The following RUNX2 variants were observed in gnomAD, a reference collection of about 807,000 sequenced individuals.
RUNX2 encodes RUNX family transcription factor 2, also known as runt-related transcription factor 2.
Under a neutral mutation model 51.7 loss-of-function variants are expected in RUNX2, and 10 were observed. The observed-to-expected ratio is 0.19, with a 90% CI of 0.12 to 0.33. The LOEUF (loss-of-function observed/expected upper bound fraction) is 0.33. RUNX2 is among the 10% of genes least tolerant of loss of function. The pLI, the probability that RUNX2 is intolerant of heterozygous loss-of-function variation, is 1.00. For missense variants in RUNX2, 562 were observed against 691.3 expected (o/e 0.81, Z 2.10); for synonymous variants, 276 against 273.6 (o/e 1.01, Z -0.09).
intron 2 of RUNX2, among the ~76,000 whole-genome samples, chr6:45,331,630 T>C (rs952018441): frequency 6.6e-6 from 1 of 151,950 alleles, no homozygotes; most frequent in Admixed American, 6.6e-5. Flanking sequence ...AATTTTACAT[T>C]ACAAACTGTT....
intron 5 of RUNX2, among the ~76,000 whole-genome samples, chr6:45,467,456 A>G (rs1799666757): frequency 6.6e-6 from 1 of 151,956 alleles, no homozygotes; most frequent in African/African-American, 2.4e-5. Context: ...TAATTTGTGT[A>G]TTTTTAGTAG....
chr6:45,547,341 C>G lies in RUNX2; in HGVS notation c.*36C>G, dbSNP rs751032904. On this transcript the variant is annotated 3_prime_UTR_variant, in exon 9 of 9. Transcript: ENST00000647337. ...CAGTGGCCCAGTGGTATCTGGGGGC[C>G]ACATCCCACACGTATCAATATATAC... 1 of 1,436,594 alleles carries G rather than the reference C, an allele frequency of 7.0e-7. No homozygotes were observed. Among genetic ancestry groups the G allele is most frequent in the South Asian group, 1.1e-5 (1 of 87,480 alleles). The allele number at this position is 1,436,594 out of a possible 1,614,324, so 89.0% of individuals were successfully genotyped here.
In RUNX2 at chr6:45,437,379, C is replaced by T. The variant is rs1798713533; in HGVS notation, c.581-568C>T. On this transcript the variant is annotated intron_variant, in intron 4 of 8. Coordinates refer to ENST00000647337, the MANE Select transcript of RUNX2 (RefSeq NM_001024630.4). ...TTTGTTCCAGTAATGATGAAATCATCATACCACAGGCACATTACGGCCAGG... is the reference window on the plus strand; with the variant it reads ...TTTGTTCCAGTAATGATGAAATCATTATACCACAGGCACATTACGGCCAGG... Among the ~76,000 whole-genome samples the T allele has an allele frequency of 1.3e-5, 2 of 152,152 alleles. 1 individual carries two copies. The highest frequency in any genetic ancestry group is 4.1e-4 in the South Asian group (2 of 4,822).
At chr6:45,395,086 C>G (rs1797553648) in intron 2 of RUNX2, among the ~76,000 whole-genome samples, 1 of 152,188 alleles carries the variant, frequency 6.6e-6, no homozygotes, top group African/African-American at 2.4e-5. Flanking sequence ...TAGGCTTCAG[C>G]CACACTTCTG....
chr6:45,398,613 T>C (rs1368790282), intron 2 of RUNX2, among the ~76,000 whole-genome samples: 1 of 152,230 alleles, frequency 6.6e-6, no homozygotes, highest in South Asian at 2.1e-4. Context: ...CCCTGACTTA[T>C]GTAGAACATT....
At chr6:45,370,216 G>A (rs1298950228) in intron 2 of RUNX2, among the ~76,000 whole-genome samples, 2 of 152,160 alleles carry the variant, frequency 1.3e-5, no homozygotes, top group African/African-American at 4.8e-5. Flanking sequence ...TTTAACAAGC[G>A]GAGATGATGA....
intron 7 of RUNX2, among the ~76,000 whole-genome samples, chr6:45,533,445 C>A (rs2150440949): frequency 6.6e-6 from 1 of 152,168 alleles, no homozygotes; most frequent in African/African-American, 2.4e-5. Flanking sequence ...AGTTTTCAAT[C>A]AAAGGAAAAT....
chr6:45,538,395 C>T (rs1802105379), intron 7 of RUNX2, among the ~76,000 whole-genome samples: 1 of 152,140 alleles, frequency 6.6e-6, no homozygotes, highest in South Asian at 2.1e-4. Context: ...AACCTTCTGC[C>T]AGGATGTCAG....
chr6:45,539,447 G>C (rs1002692421), intron 7 of RUNX2, among the ~76,000 whole-genome samples: 2 of 151,984 alleles, frequency 1.3e-5, no homozygotes, highest in Non-Finnish European at 2.9e-5. Flanking sequence ...TCATTTTGCT[G>C]GTTTCTTCTC....
intron 5 of RUNX2, among the ~76,000 whole-genome samples, chr6:45,486,992 T>A (rs1800302537): frequency 6.6e-6 from 1 of 152,150 alleles, no homozygotes; most frequent in African/African-American, 2.4e-5. Flanking sequence ...TTCGCTAGAC[T>A]ATGGCTTAGG....
intron 5 of RUNX2, among the ~76,000 whole-genome samples, chr6:45,477,813 T>C (rs1483890142): frequency 6.6e-6 from 1 of 152,214 alleles, no homozygotes; most frequent in Non-Finnish European, 1.5e-5. Flanking sequence ...TCCTAAACTG[T>C]AAACCAATGC....
chr6:45,440,663 T>A (rs953804797), intron 5 of RUNX2, among the ~76,000 whole-genome samples: 5 of 151,646 alleles, frequency 3.3e-5, no homozygotes, highest in African/African-American at 4.9e-5. Context: ...TTTTTTTTTT[T>A]AATTTTTGGA....
intron 2 of RUNX2, among the ~76,000 whole-genome samples, chr6:45,342,788 T>C (rs17209755): frequency 0.094 from 14,302 of 152,192 alleles, 844 homozygotes; most frequent in Middle Eastern, 0.15. Context: ...AAAAAATACA[T>C]ATGAAGAACA....
intron 4 of RUNX2, among the ~76,000 whole-genome samples, chr6:45,437,480 A>G (rs1798716449): frequency 6.6e-6 from 1 of 152,164 alleles, no homozygotes; most frequent in Non-Finnish European, 1.5e-5. Context: ...TAGTGCAGCT[A>G]AGCAAATGAA....
At chr6:45,443,884 T>A (rs77519622) in intron 5 of RUNX2, among the ~76,000 whole-genome samples, 1 of 152,048 alleles carries the variant, frequency 6.6e-6, no homozygotes, top group African/African-American at 2.4e-5. Flanking sequence ...ATTTTTAAAA[T>A]TTTTTTTCGA....
chr6:45,458,796 T>C (rs181833273), intron 5 of RUNX2, among the ~76,000 whole-genome samples: 1 of 152,312 alleles, frequency 6.6e-6, no homozygotes, highest in East Asian at 1.9e-4. Flanking sequence ...TCTGGAAACA[T>C]ACAGAACCTC....
Position 45,549,834 on chromosome 6 carries a change from C to T in RUNX2, c.*2529C>T, listed in dbSNP as rs566289090. 6.5e-6 allele frequency: 1 copy of T among 153,172 alleles called. No homozygotes were observed. The highest frequency in any genetic ancestry group is 1.5e-5 in the Non-Finnish European group (1 of 68,434). 9.5% of individuals were successfully genotyped at this position (153,172 alleles called of 1,614,324 possible). A position where few individuals can be genotyped will look rare whatever the true frequency, so the allele number is the denominator to read the frequency against. On this transcript the variant is annotated 3_prime_UTR_variant, in exon 9 of 9. Transcript: ENST00000647337. ...TGTTGAAATGTTACTATAGTGGCTG[C>T]AGGCAGCAACCCAGAAACACTTTAG...
At chr6:45,331,239 C>T (rs1447675802) in intron 2 of RUNX2, among the ~76,000 whole-genome samples, 2 of 151,880 alleles carry the variant, frequency 1.3e-5, no homozygotes, top group African/African-American at 4.8e-5. Flanking sequence ...AAAATCTGTC[C>T]ATCATTTATC....
chr6:45,334,694 C>T (rs1788202935), intron 2 of RUNX2, among the ~76,000 whole-genome samples: 1 of 151,030 alleles, frequency 6.6e-6, no homozygotes, highest in Non-Finnish European at 1.5e-5. Context: ...ATGGCATATA[C>T]ACATGCATGA....
Sources: allele counts gnomAD v4.1 joint callset (sites outside exome capture counted in the v4.1 genomes callset), GRCh38; gene constraint gnomAD v4.1.1; transcripts MANE v1.5; gene names NCBI Gene and HGNC (gene_info 2026-07-23, HGNC 2026-07-21).